Variants in CCDC3 observed in about 807,000 individuals in gnomAD.
CCDC3 encodes the protein coiled-coil domain-containing protein 3.
A neutral mutation model predicts 21.4 loss-of-function variants in CCDC3; 24 were observed. The ratio of observed to expected loss-of-function variants is 1.12; its 90% CI spans 0.81 to 1.58. The LOEUF is 1.58. Among genes scored for constraint, CCDC3 ranks in the 40% most tolerant of loss-of-function variants. The pLI is 0.00. For synonymous variants in CCDC3, 186 were observed against 166.0 expected (o/e 1.12, Z -0.93); for missense variants, 425 against 360.9 (o/e 1.18, Z -1.44).
intron 5 of CCDC3, among the ~76,000 whole-genome samples, chr10:13,024,316 C>T (rs1836188095): frequency 6.6e-6 from 1 of 151,954 alleles, no homozygotes; most frequent in Non-Finnish European, 1.5e-5. Flanking sequence ...GAGAAAAGTG[C>T]ACTAACAGAT....
At chr10:13,087,203 G>A (rs1240449665) in intron 3 of CCDC3, among the ~76,000 whole-genome samples, 1 of 152,122 alleles carries the variant, frequency 6.6e-6, no homozygotes, top group Non-Finnish European at 1.5e-5. Context: ...TCGGGAATTC[G>A]AGACCAGCCT....
At chr10:12,899,808 G>C (rs530408602) in intron 2 of CCDC3, among the ~76,000 whole-genome samples, 2 of 152,178 alleles carry the variant, frequency 1.3e-5, no homozygotes, top group Non-Finnish European at 2.9e-5. Flanking sequence ...GGCCATATCC[G>C]GGGAGCAGAG....
At chr10:13,016,714 G>C (rs1836066803) in intron 5 of CCDC3, among the ~76,000 whole-genome samples, 1 of 152,024 alleles carries the variant, frequency 6.6e-6, no homozygotes, top group Non-Finnish European at 1.5e-5. Context: ...TCCTTCCTAA[G>C]AGATAACTTT....
At chr10:13,083,625 A>T (rs886913015) in intron 3 of CCDC3, among the ~76,000 whole-genome samples, 2 of 152,254 alleles carry the variant, frequency 1.3e-5, no homozygotes, top group Non-Finnish European at 2.9e-5. Flanking sequence ...GGCATGTCCC[A>T]GCTCACAGCC....
intron 2 of CCDC3, among the ~76,000 whole-genome samples, chr10:12,993,111 G>T (rs1835704562): frequency 6.6e-6 from 1 of 152,202 alleles, no homozygotes; most frequent in Non-Finnish European, 1.5e-5. Context: ...GGACCCCCTG[G>T]ACGGGAGCAG....
intron 2 of CCDC3, among the ~76,000 whole-genome samples, chr10:12,928,899 G>A (rs933513120): frequency 2.6e-5 from 4 of 152,154 alleles, no homozygotes. Context: ...GGAGGAAAGA[G>A]CAAGCTTTGG....
intron 3 of CCDC3, among the ~76,000 whole-genome samples, chr10:13,080,444 A>G (rs1837023884): frequency 6.6e-6 from 1 of 152,252 alleles, no homozygotes; most frequent in Non-Finnish European, 1.5e-5. Context: ...TCCTGAATGT[A>G]AAACTATTAA....
intron 2 of CCDC3, among the ~76,000 whole-genome samples, chr10:12,954,753 G>A (rs7911515): frequency 0.1 from 15,672 of 152,146 alleles, 1,226 homozygotes; most frequent in African/African-American, 0.22. Context: ...CACCTCCAAC[G>A]TCGGGGATCA....
chr10:13,015,813 C>T (rs1232038333), intron 5 of CCDC3, among the ~76,000 whole-genome samples: 7 of 151,562 alleles, frequency 4.6e-5, no homozygotes, highest in Middle Eastern at 3.2e-3. Flanking sequence ...AGCCTAGGTT[C>T]GGTGAAAGAG....
At chr10:12,942,416 A>AC (rs1422952000) in intron 2 of CCDC3, among the ~76,000 whole-genome samples, 2 of 152,208 alleles carry the variant, frequency 1.3e-5, no homozygotes, top group East Asian at 3.9e-4. Flanking sequence ...CTCCAAAGTC[A>AC]TTTCTTTTCT....
intron 2 of CCDC3, among the ~76,000 whole-genome samples, chr10:12,983,664 G>A (rs12261431): frequency 0.053 from 5,661 of 106,342 alleles, 290 homozygotes; most frequent in African/African-American, 0.17. Context: ...ATAAAAAGAA[G>A]TGGCAAAAAA....
chr10:12,950,346 A>T (rs1564295853), intron 2 of CCDC3, among the ~76,000 whole-genome samples: 1 of 152,228 alleles, frequency 6.6e-6, no homozygotes, highest in Non-Finnish European at 1.5e-5. Flanking sequence ...CACCCTCCGG[A>T]AAGCAGTTTT....
At chr10:12,956,186 T>A (rs1272706171) in intron 2 of CCDC3, among the ~76,000 whole-genome samples, 3 of 152,182 alleles carry the variant, frequency 2.0e-5, no homozygotes, top group African/African-American at 7.2e-5. Context: ...TGGGTTGCAA[T>A]CTTGCCAAAC....
At chr10:13,079,861 G>A (rs1431655990) in intron 3 of CCDC3, among the ~76,000 whole-genome samples, 1 of 152,194 alleles carries the variant, frequency 6.6e-6, no homozygotes, top group Non-Finnish European at 1.5e-5. Flanking sequence ...AGAGAAAAAG[G>A]CAGAGACAGA....
intron 5 of CCDC3, among the ~76,000 whole-genome samples, chr10:13,042,887 C>T (rs1443973667): frequency 8.7e-6 from 1 of 114,966 alleles, no homozygotes; most frequent in Non-Finnish European, 1.7e-5. Flanking sequence ...CCAGCCTGGG[C>T]GACAGAGGGA....
In CCDC3 at chr10:12,990,263, C is replaced by CAAA. The variant is rs61700228; in HGVS notation, c.549+8072_549+8074dup. The stretch of plus-strand genomic sequence containing the variant: ...CAAAAAAGCGAGACTCCGTCTCAAC[C>CAAA]AAAAAAAAAAAAAAAAAGAATGTCT... On this transcript the variant is annotated intron_variant, in intron 2 of 2. Coordinates refer to ENST00000378825, the MANE Select transcript of CCDC3 (RefSeq NM_031455.4). Among the ~76,000 whole-genome samples the CAAA allele has an allele frequency of 5.1e-3, 505 of 99,778 alleles. 6 individuals are homozygous for CAAA. Among genetic ancestry groups the CAAA allele is most frequent in the African/African-American group, 0.014 (405 of 28,190 alleles). 65.5% of individuals were successfully genotyped at this position (99,778 alleles called of 152,430 possible).
At chr10:13,035,339 C>T (rs2131414372) in intron 5 of CCDC3, among the ~76,000 whole-genome samples, 1 of 152,126 alleles carries the variant, frequency 6.6e-6, no homozygotes, top group South Asian at 2.1e-4. Flanking sequence ...TCTTGCAGCT[C>T]AGCAGTTACA....
intron 2 of CCDC3, among the ~76,000 whole-genome samples, chr10:12,995,298 G>C (rs758670487): frequency 5.9e-5 from 9 of 152,176 alleles, no homozygotes; most frequent in Admixed American, 1.3e-4. Flanking sequence ...CTGGAGTGCA[G>C]TGGCACGATC....
intron 4 of CCDC3, among the ~76,000 whole-genome samples, chr10:13,064,987 G>A (rs539285979): frequency 6.6e-6 from 1 of 152,034 alleles, no homozygotes; most frequent in African/African-American, 2.4e-5. Context: ...AATAGAGTGG[G>A]AGGCAGGTTG....
Sources: allele counts gnomAD v4.1 joint callset (sites outside exome capture counted in the v4.1 genomes callset), GRCh38; gene constraint gnomAD v4.1.1; transcripts MANE v1.5; gene names NCBI Gene and HGNC (gene_info 2026-07-23, HGNC 2026-07-21).